AKNA: variants seen among roughly 807,000 people sequenced by gnomAD.
AKNA encodes microtubule organization protein AKNA.
A neutral mutation model predicts 138.8 loss-of-function variants in AKNA; 67 were observed. That is an observed-to-expected ratio of 0.48 (90% CI 0.40 to 0.59). AKNA has a LOEUF of 0.59. Among genes scored for constraint, AKNA ranks in the 20% least tolerant of loss-of-function variants. The pLI, the probability that AKNA is intolerant of heterozygous loss-of-function variation, is 0.00. For synonymous variants in AKNA, 737 were observed against 754.4 expected (o/e 0.98, Z 0.38); for missense variants, 1,813 against 1,880.4 (o/e 0.96, Z 0.66).
chr9:114,368,401 G>A, intron 5 of AKNA, 38 bp downstream of exon 5: 1 of 1,310,696 alleles, frequency 7.6e-7, no homozygotes, highest in Non-Finnish European at 9.8e-7. Context: ...ATCCCAGGCA[G>A]AAGGAGCCTC....
At chr9:114,332,506 A>G (rs1277822476), downstream of AKNA, among the ~76,000 whole-genome samples, 2 of 152,014 alleles carry the variant, frequency 1.3e-5, no homozygotes. Context: ...GCTGGTTCCA[A>G]TTTTTAAAAT....
Position 114,381,130 on chromosome 9 carries a change from G to T in AKNA, c.204C>A (p.Pro68=). 6.2e-7 allele frequency: 1 copy of T among 1,613,304 alleles called. No individual in the cohort carries two copies. The highest frequency in any genetic ancestry group is 8.5e-7 in the Non-Finnish European group (1 of 1,179,606). The part of the protein sequence containing the change: ...DFRLAQQHLP[P]LEWDPHPQPD... ...GCTGCGGGTGTGGGTCCCACTCCAG[G>T]GGCGGCAGGTGCTGCTGGGCCAGGC... Residue 68 remains proline (P), a synonymous_variant, in exon 2 of 22, where the codon CCC becomes CCA. Coordinates refer to ENST00000374088, the MANE Select transcript of AKNA (RefSeq NM_001317950.2).
chr9:114,365,024 A>G (rs1246952477), intron 6 of AKNA, among the ~76,000 whole-genome samples: 1 of 152,190 alleles, frequency 6.6e-6, no homozygotes, highest in Non-Finnish European at 1.5e-5. Context: ...CCTATTTTTC[A>G]GTGTCAAATC....
rs753965064 is a variant in AKNA, at chr9:114,342,050, C to A, written c.3833G>T (p.Gly1278Val). 1.9e-6 allele frequency: 3 copies of A among 1,613,978 alleles called. No homozygotes were observed. Among genetic ancestry groups the A allele is most frequent in the Admixed American group, 1.7e-5 (1 of 60,000 alleles). Residue 1278 changes from glycine (G) to valine (V), a missense_variant, in exon 20 of 22, where the codon GGG becomes GTG. Transcript: ENST00000374088. ...TLQCPLCGQV[G>V]SPPEADGPGS... ...TGGACCATCTGCCTCTGGGGGAGAC[C>A]CAACTTGACCACACAGGGGACACTG...
intron 12 of AKNA, among the ~76,000 whole-genome samples, chr9:114,357,515 G>C (rs1831583261): frequency 3.3e-5 from 1 of 30,212 alleles, no homozygotes; most frequent in Non-Finnish European, 6.6e-5. Flanking sequence ...GACTACAGAA[G>C]TGTGTGTGTG....
In AKNA at chr9:114,358,162, G is replaced by A. The variant is rs762051968; in HGVS notation, c.2498C>T (p.Ala833Val). Residue 833 changes from alanine (A) to valine (V), a missense_variant, in exon 12 of 22, where the codon GCC becomes GTC. Transcript: ENST00000374088. ...CTTCATAGATACCATCTTCTCCGTG[G>A]CCTCCCTGGCATGGGAAGAGAAGAC... is the stretch of plus-strand genomic sequence containing the variant. ...EKSHGAPLEEATEKMVSMKPP... is the reference protein window; with the variant it reads ...EKSHGAPLEEVTEKMVSMKPP... The A allele has an allele frequency of 6.2e-7, 1 of 1,613,972 alleles. No individual in the cohort carries two copies. The highest frequency in any genetic ancestry group is 8.5e-7 in the Non-Finnish European group (1 of 1,179,904).
intron 11 of AKNA, 137 bp downstream of exon 11, chr9:114,359,457 A>C: frequency 6.6e-7 from 1 of 1,511,182 alleles, no homozygotes; most frequent in Non-Finnish European, 8.9e-7. Flanking sequence ...TCAGTGGTAT[A>C]CATTCCACAC....
At chr9:114,393,213 C>CTTTT (rs869060529) in intron 1 of AKNA, among the ~76,000 whole-genome samples, 2 of 132,154 alleles carry the variant, frequency 1.5e-5, no homozygotes, top group South Asian at 4.9e-4. Context: ...ACAGTATAAT[C>CTTTT]TTTTTTTTTT....
downstream of AKNA, chr9:114,330,636 G>C: frequency 6.2e-7 from 1 of 1,602,626 alleles, no homozygotes; most frequent in East Asian, 2.2e-5. Flanking sequence ...ACCTGAGCAA[G>C]TCCCTCCTTC....
chr9:114,364,536 G>A, intron 7 of AKNA, 24 bp downstream of exon 7: 1 of 1,613,076 alleles, frequency 6.2e-7, no homozygotes. Context: ...CAGTTCCATG[G>A]GTGGCTCCTG....
intron 2 of AKNA, among the ~76,000 whole-genome samples, chr9:114,378,992 T>C (rs997682132): frequency 6.6e-6 from 1 of 152,234 alleles, no homozygotes; most frequent in African/African-American, 2.4e-5. Flanking sequence ...TCTTAACCAC[T>C]TAACATGTCC....
At position 114,375,865 on chromosome 9, in the gene AKNA, A is replaced by G. The variant is rs1175863375; in HGVS notation, c.1341+601T>C. 3 of 397,616 alleles carry G rather than the reference A, an allele frequency of 7.5e-6. No individual in the cohort carries two copies. The East Asian group carries it at 2.2e-4, about 29-fold the overall frequency. 24.6% of individuals were successfully genotyped at this position (397,616 alleles called of 1,614,324 possible). A position where few individuals can be genotyped will look rare whatever the true frequency, so the allele number is the denominator to read the frequency against. On this transcript the variant is annotated intron_variant, in intron 3 of 21. Coordinates refer to ENST00000374088, the MANE Select transcript of AKNA (RefSeq NM_001317950.2). ...ACGAGTACAATCACTGGTCTTTTTG[A>G]GCAAAGGGCTTGGGTGTATCTCAGG...
At chr9:114,348,818 G>A (rs1424224892) in intron 15 of AKNA, 1 of 454,860 alleles carries the variant, frequency 2.2e-6, no homozygotes, top group African/African-American at 2.0e-5. Flanking sequence ...CACCCTCCAG[G>A]CGGATGCAGG....
Position 114,345,941 on chromosome 9 carries a change from G to A in AKNA, c.3583C>T (p.Gln1195Ter), listed in dbSNP as rs775920807. 1.2e-6 allele frequency: 2 copies of A among 1,614,136 alleles called. No homozygotes were observed. Among genetic ancestry groups the A allele is most frequent in the South Asian group, 1.1e-5 (1 of 91,082 alleles). Reference protein sequence around the residue: ...EKSKTTKDSPQAARDGKRGVG... With the variant: ...EKSKTTKDSP ...CCTCTCTTTCCATCCCGAGCTGCCT[G>A]TGGACTGTCCTTGGTGGTCTTGCTC... Residue 1195 changes from glutamine (Q) to a stop codon, truncating the protein, a stop_gained, in exon 18 of 22, where the codon CAG becomes TAG. Coordinates refer to ENST00000374088, the MANE Select transcript of AKNA (RefSeq NM_001317950.2). LOFTEE classifies it high-confidence loss of function.
chr9:114,341,512 G>A, intron 21 of AKNA, 21 bp downstream of exon 21: 3 of 1,613,892 alleles, frequency 1.9e-6, no homozygotes, highest in South Asian at 1.1e-5. Context: ...AGGCTGGGAA[G>A]GTCAGAATGA....
chr9:114,370,648 G>C (rs1368178715), intron 4 of AKNA, among the ~76,000 whole-genome samples: 7 of 152,202 alleles, frequency 4.6e-5, no homozygotes, highest in African/African-American at 1.7e-4. Flanking sequence ...CACTCCCTTG[G>C]GGGATTCTGT....
chr9:114,330,837 G>A (rs1170071613), downstream of AKNA: 2 of 1,613,872 alleles, frequency 1.2e-6, no homozygotes, highest in Admixed American at 1.7e-5. Flanking sequence ...ATGTCCAGCG[G>A]GAGAATGGGA....
At chr9:114,385,802 C>T (rs1015015695) in intron 1 of AKNA, among the ~76,000 whole-genome samples, 5 of 152,354 alleles carry the variant, frequency 3.3e-5, no homozygotes, top group Admixed American at 2.6e-4. Context: ...GTCAGCTAGT[C>T]AGTCAACAAA....
At chr9:114,370,596 G>C (rs1261264471) in intron 4 of AKNA, among the ~76,000 whole-genome samples, 1 of 152,154 alleles carries the variant, frequency 6.6e-6, no homozygotes, top group African/African-American at 2.4e-5. Flanking sequence ...TGGTCTCTCT[G>C]GACACAGCCA....
Sources: gnomAD v4.1 joint callset for allele counts (sites outside exome capture counted in the v4.1 genomes callset) on GRCh38, gnomAD v4.1.1 for gene constraint, MANE v1.5 for transcripts, NCBI Gene and HGNC (gene_info 2026-07-23, HGNC 2026-07-21) for gene names.